Variants in SPAG16 observed in about 807,000 individuals in gnomAD.
The protein encoded by SPAG16 is sperm associated antigen 16.
In SPAG16, 86 loss-of-function variants were observed where a neutral mutation model predicts 80.4. The ratio of observed to expected loss-of-function variants is 1.07; its 90% CI spans 0.90 to 1.28. SPAG16 has a LOEUF of 1.28. Among genes scored for constraint, SPAG16 ranks in the 50% most tolerant of loss-of-function variants. SPAG16 has a pLI of 0.00. For synonymous variants in SPAG16, 294 were observed against 265.9 expected (o/e 1.11, Z -1.03); for missense variants, 870 against 765.3 (o/e 1.14, Z -1.61).
At chr2:213,817,161 ATAG>A (rs2072594907) in intron 10 of SPAG16, among the ~76,000 whole-genome samples, 1 of 149,940 alleles carries the variant, frequency 6.7e-6, no homozygotes, top group Non-Finnish European at 1.5e-5. Context: ...AGTACATATA[ATAG>A]TTTTTATTTA....
At chr2:213,823,708 T>C (rs1166383128) in intron 10 of SPAG16, among the ~76,000 whole-genome samples, 6 of 152,222 alleles carry the variant, frequency 3.9e-5, no homozygotes, top group Admixed American at 1.3e-4. Context: ...GTAAATGTCT[T>C]CTTTCGAGAA....
intron 15 of SPAG16, among the ~76,000 whole-genome samples, chr2:214,331,623 G>A (rs1696921699): frequency 6.6e-6 from 1 of 152,162 alleles, no homozygotes; most frequent in African/African-American, 2.4e-5. Context: ...CATTGGTTTA[G>A]AGTGTAGATT....
chr2:213,551,384 C>G (rs1304591730), intron 10 of SPAG16, among the ~76,000 whole-genome samples: 2 of 152,172 alleles, frequency 1.3e-5, no homozygotes, highest in Non-Finnish European at 2.9e-5. Flanking sequence ...ATTTCAAGAA[C>G]TCTGCAGTAT....
In SPAG16 at chr2:213,300,798, A is replaced by T. The variant is rs2062711387; in HGVS notation, c.279+3441A>T. Among the ~76,000 whole-genome samples, 5 of 152,288 alleles carry T rather than the reference A, an allele frequency of 3.3e-5. No individual in the cohort carries two copies. The South Asian group carries it at 1.0e-3, about 32-fold the overall frequency. ...TTGATAGGTATAACTCAGATAAATA[A>T]GTGCTGTCTGGAGTACTCAATAATT... is the stretch of plus-strand genomic sequence containing the variant. On this transcript the variant is annotated intron_variant, in intron 3 of 15. Coordinates refer to ENST00000331683, the MANE Select transcript of SPAG16 (RefSeq NM_024532.5).
chr2:213,565,927 C>T (rs16850465), intron 10 of SPAG16, among the ~76,000 whole-genome samples: 13,049 of 152,042 alleles, frequency 0.086, 1,399 homozygotes, highest in African/African-American at 0.25. Flanking sequence ...AAATACCAGT[C>T]CTGCTAAGGG....
At chr2:214,043,315 T>G (rs952445521) in intron 13 of SPAG16, among the ~76,000 whole-genome samples, 16 of 152,176 alleles carry the variant, frequency 1.1e-4, no homozygotes, top group African/African-American at 3.9e-4. Flanking sequence ...GGACATCTTG[T>G]GAAGTGCATT....
At chr2:213,559,582 A>G (rs1299683454) in intron 10 of SPAG16, among the ~76,000 whole-genome samples, 2 of 152,168 alleles carry the variant, frequency 1.3e-5, no homozygotes, top group Non-Finnish European at 2.9e-5. Context: ...CATTTTCTCA[A>G]TATACTTGTA....
At chr2:213,717,382 G>C (rs539562056) in intron 10 of SPAG16, among the ~76,000 whole-genome samples, 1 of 151,886 alleles carries the variant, frequency 6.6e-6, no homozygotes, top group African/African-American at 2.4e-5. Context: ...GGATGGTCTC[G>C]ATCTCCTGAC....
At chr2:213,368,994 A>G (rs936188133) in intron 8 of SPAG16, among the ~76,000 whole-genome samples, 2 of 152,190 alleles carry the variant, frequency 1.3e-5, no homozygotes, top group African/African-American at 4.8e-5. Context: ...CTGCGCGAGA[A>G]AATCTTGAAA....
chr2:214,286,571 A>G (rs1442519198), intron 15 of SPAG16, among the ~76,000 whole-genome samples: 1 of 152,082 alleles, frequency 6.6e-6, no homozygotes, highest in African/African-American at 2.4e-5. Context: ...ACCTGCCAAA[A>G]CCCTGTCTCT....
intron 15 of SPAG16, among the ~76,000 whole-genome samples, chr2:214,317,591 A>G (rs541070457): frequency 1.3e-5 from 2 of 152,362 alleles, no homozygotes; most frequent in East Asian, 3.9e-4. Context: ...TGGAAGCTTT[A>G]TTAGTTCACA....
At chr2:214,045,092 C>A (rs569409268) in intron 13 of SPAG16, among the ~76,000 whole-genome samples, 2 of 152,180 alleles carry the variant, frequency 1.3e-5, no homozygotes, top group Non-Finnish European at 2.9e-5. Context: ...AGCCCCTCCC[C>A]CAGCCCCAGG....
chr2:213,663,934 G>A (rs1234855349), intron 10 of SPAG16, among the ~76,000 whole-genome samples: 1 of 152,036 alleles, frequency 6.6e-6, no homozygotes, highest in Non-Finnish European at 1.5e-5. Context: ...CAATAAATTA[G>A]TATAAACTTA....
At chr2:213,534,032 C>A (rs1413243867) in intron 10 of SPAG16, among the ~76,000 whole-genome samples, 1 of 151,986 alleles carries the variant, frequency 6.6e-6, no homozygotes, top group Non-Finnish European at 1.5e-5. Context: ...CTGACTTAAA[C>A]CATGATAAAA....
intron 14 of SPAG16, among the ~76,000 whole-genome samples, chr2:214,117,483 C>T (rs1191314227): frequency 6.6e-6 from 1 of 152,148 alleles, no homozygotes; most frequent in Non-Finnish European, 1.5e-5. Context: ...GGATAGAGTT[C>T]TTACTAACTC....
chr2:213,767,680 A>ACAC (rs2069016435), intron 10 of SPAG16, among the ~76,000 whole-genome samples: 4 of 74,082 alleles, frequency 5.4e-5, no homozygotes, highest in South Asian at 1.1e-3. Context: ...CACACACACA[A>ACAC]AATCAGATAT....
intron 10 of SPAG16, among the ~76,000 whole-genome samples, chr2:213,493,009 G>A (rs957005308): frequency 1.9e-4 from 29 of 151,964 alleles, no homozygotes; most frequent in Middle Eastern, 3.4e-3. Flanking sequence ...GACACCTTGC[G>A]AATCACAAAG....
chr2:213,933,734 T>G (rs1433602826), intron 12 of SPAG16, among the ~76,000 whole-genome samples: 1 of 152,214 alleles, frequency 6.6e-6, no homozygotes, highest in African/African-American at 2.4e-5. Context: ...TGGCCCTTAT[T>G]TCTAAGTGTA....
chr2:213,797,199 A>G (rs949349435), intron 10 of SPAG16, among the ~76,000 whole-genome samples: 5 of 152,190 alleles, frequency 3.3e-5, no homozygotes, highest in Non-Finnish European at 7.4e-5. Flanking sequence ...TAAAGTAAAA[A>G]TGTTACAGTA....
Sources: gnomAD v4.1 joint callset for allele counts (sites outside exome capture counted in the v4.1 genomes callset) on GRCh38, gnomAD v4.1.1 for gene constraint, MANE v1.5 for transcripts, NCBI Gene and HGNC (gene_info 2026-07-23, HGNC 2026-07-21) for gene names.